ZNF627: variants seen among roughly 807,000 people sequenced by gnomAD.
ZNF627 encodes the protein zinc finger protein 627.
A neutral mutation model predicts 10.6 loss-of-function variants in ZNF627; 12 were observed. The ratio of observed to expected loss-of-function variants is 1.13; its 90% CI spans 0.73 to 1.84. ZNF627 has a LOEUF of 1.84. Ranked by LOEUF, ZNF627 falls within the 40% of genes most tolerant of loss-of-function variation. The pLI, the probability that ZNF627 is intolerant of heterozygous loss-of-function variation, is 0.00. For missense variants in ZNF627, 504 were observed against 568.4 expected, an observed-to-expected ratio of 0.89 and a Z score of 1.15; for synonymous variants, 176 against 187.1, an observed-to-expected ratio of 0.94 and a Z score of 0.48.
chr19:11,613,325 GT>G (rs1223101984), intron 1 of ZNF627, among the ~76,000 whole-genome samples: 2 of 145,400 alleles, frequency 1.4e-5, no homozygotes, highest in African/African-American at 5.1e-5. Context: ...GGTGGTATCT[GT>G]TAAGAGCAAT....
At chr19:11,615,032 C>T (rs985978448) in intron 3 of ZNF627, 145 bp downstream of exon 3, 28 of 630,116 alleles carry the variant, frequency 4.4e-5, no homozygotes, top group African/African-American at 1.7e-4. Flanking sequence ...CTGCAACCTC[C>T]GCCTCCCAGG....
At position 11,617,355 on chromosome 19, in the gene ZNF627, CG is replaced by C; in HGVS notation, c.854del (p.Gly285ValfsTer32). On this transcript the variant is annotated frameshift_variant, in exon 4 of 4. Transcript: ENST00000361113. LOFTEE classifies it low-confidence loss of function (END_TRUNC). ...AGAAACCCTACGAATGTAAACAGTGCGGTAAAGCCTTTAGGTGCGCCAGTTC... is the reference window on the plus strand; with the variant it reads ...AGAAACCCTACGAATGTAAACAGTGCGTAAAGCCTTTAGGTGCGCCAGTTC... ...GEKPYECKQC[G>X]KAFRCASSVR... 6.2e-7 allele frequency: 1 copy of C among 1,612,692 alleles called. No homozygotes were observed. The highest frequency in any genetic ancestry group is 8.5e-7 in the Non-Finnish European group (1 of 1,179,752).
At chr19:11,602,523 T>A (rs1311031721) in intron 1 of ZNF627, among the ~76,000 whole-genome samples, 2 of 152,202 alleles carry the variant, frequency 1.3e-5, no homozygotes, top group African/African-American at 4.8e-5. Flanking sequence ...TTCCCTTACA[T>A]CCATCCCTTC....
chr19:11,610,093 C>G (rs1973748985), intron 1 of ZNF627, among the ~76,000 whole-genome samples: 2 of 144,966 alleles, frequency 1.4e-5, no homozygotes, highest in African/African-American at 5.1e-5. Context: ...GCTTTGTTGC[C>G]CAGGCTGGAG....
chr19:11,597,504 CCGG>C lies in ZNF627; in HGVS notation c.-123_-121del. 1.9e-6 allele frequency: 2 copies of C among 1,072,278 alleles called. No homozygotes were observed. The highest frequency in any genetic ancestry group is 2.4e-6 in the Non-Finnish European group (2 of 824,792). 66.4% of individuals were successfully genotyped at this position (1,072,278 alleles called of 1,614,324 possible). A position where few individuals can be genotyped will look rare whatever the true frequency, so the allele number is the denominator to read the frequency against. Reference sequence around the variant, plus strand: ...CTTTGTTTCTGGCGACCGTCCCCACCCGGGCTCGCGTCTCCGTTTCTCCGAGAG... The same window carrying C: ...CTTTGTTTCTGGCGACCGTCCCCACCGCTCGCGTCTCCGTTTCTCCGAGAG... On this transcript the variant is annotated 5_prime_UTR_variant, in exon 1 of 4. Coordinates refer to ENST00000361113, the MANE Select transcript of ZNF627 (RefSeq NM_145295.4).
chr19:11,611,313 T>C (rs1240890990), intron 1 of ZNF627, among the ~76,000 whole-genome samples: 2 of 152,044 alleles, frequency 1.3e-5, no homozygotes, highest in African/African-American at 4.8e-5. Context: ...CCAGTGTTGA[T>C]AGTGTCTTCT....
intron 3 of ZNF627, among the ~76,000 whole-genome samples, chr19:11,616,318 T>C (rs1973867016): frequency 6.6e-6 from 1 of 152,196 alleles, no homozygotes; most frequent in African/African-American, 2.4e-5. Context: ...AGTGCCGGGA[T>C]TACAGGCATA....
chr19:11,602,005 CAAAAAAA>C (rs67176670), intron 1 of ZNF627, among the ~76,000 whole-genome samples: 7 of 53,786 alleles, frequency 1.3e-4, no homozygotes, highest in East Asian at 4.6e-4. Flanking sequence ...GACTCTGTCT[CAAAAAAA>C]AAAAAAAAAA....
intron 1 of ZNF627, among the ~76,000 whole-genome samples, chr19:11,607,598 C>T (rs891671722): frequency 2.0e-5 from 3 of 152,314 alleles, no homozygotes; most frequent in South Asian, 2.1e-4. Context: ...GGCAAAATGC[C>T]GCCAGTCTCT....
intron 1 of ZNF627, among the ~76,000 whole-genome samples, chr19:11,599,898 C>A (rs1973555688): frequency 6.6e-6 from 1 of 152,018 alleles, no homozygotes; most frequent in African/African-American, 2.4e-5. Flanking sequence ...CAGAGCGAGA[C>A]TCTGTCTCAA....
rs1356921619 is a variant in ZNF627, at chr19:11,617,270, G to A, written c.767G>A (p.Cys256Tyr). 6.2e-7 allele frequency: 1 copy of A among 1,613,942 alleles called. No homozygotes were observed. Among genetic ancestry groups the A allele is most frequent in the Admixed American group, 1.7e-5 (1 of 59,994 alleles). The change falls in exon 4 of 4, where the codon TGT (cysteine) becomes TAT (tyrosine). Residue 256 changes from cysteine (C) to tyrosine (Y), a missense_variant. Coordinates refer to ENST00000361113, the MANE Select transcript of ZNF627 (RefSeq NM_145295.4). Reference sequence around the variant, plus strand: ...GATAAACCCTATGAATGCAAGCAGTGTGGGAAAGCTTTCAGTTGTTCCAAG... The same window carrying A: ...GATAAACCCTATGAATGCAAGCAGTATGGGAAAGCTTTCAGTTGTTCCAAG... ...TGDKPYECKQ[C>Y]GKAFSCSKYI...
In ZNF627 at chr19:11,606,211, C is replaced by T. The variant is rs145560798; in HGVS notation, c.4-8316C>T. On this transcript the variant is annotated intron_variant, in intron 1 of 3. Transcript: ENST00000361113. ...AAAAAATTAGGCATGGTGGCACGCG[C>T]CTGTAATCCCAGCTACTCGGGAGGC... is the stretch of plus-strand genomic sequence containing the variant. Among the ~76,000 whole-genome samples, 195 of 152,068 alleles carry T rather than the reference C, an allele frequency of 1.3e-3. 5 individuals are homozygous for T. In the East Asian group the frequency reaches 0.033, roughly 26 times the overall value.
At position 11,617,607 on chromosome 19, in the gene ZNF627, TG is replaced by T. The variant is rs749125683; in HGVS notation, c.1107del (p.Ala371ProfsTer164). The part of the protein sequence containing the change: ...GEKPYDCKQC[G>X]KAFSCSSSFR... ...AGAAACCCTATGATTGTAAGCAATG[TG>T]GGAAAGCCTTCAGTTGTTCCAGTTC... On this transcript the variant is annotated frameshift_variant, in exon 4 of 4. Coordinates refer to ENST00000361113, the MANE Select transcript of ZNF627 (RefSeq NM_145295.4). LOFTEE classifies it low-confidence loss of function (END_TRUNC). 9.9e-6 allele frequency: 16 copies of T among 1,613,902 alleles called. No individual in the cohort carries two copies. Among genetic ancestry groups the T allele is most frequent in the Non-Finnish European group, 1.4e-5 (16 of 1,179,958 alleles).
chr19:11,617,851 C>G lies in ZNF627; in HGVS notation c.1348C>G (p.Pro450Ala). The G allele has an allele frequency of 6.3e-7, 1 of 1,578,272 alleles. No individual in the cohort carries two copies. Among genetic ancestry groups the G allele is most frequent in the Non-Finnish European group, 8.6e-7 (1 of 1,167,004 alleles). The change falls in exon 4 of 4, where the codon CCT (proline) becomes GCT (alanine). Residue 450 changes from proline to alanine, a missense_variant. Transcript: ENST00000361113. ...IHTGEKPYEN[P>A]NPNASVVPVL... The stretch of plus-strand genomic sequence containing the variant: ...TACTGGAGAGAAACCCTATGAGAAC[C>G]CTAACCCTAACGCTTCAGTTGTCCC...
intron 1 of ZNF627, among the ~76,000 whole-genome samples, chr19:11,606,474 T>TTTCAC (rs1973677303): frequency 6.6e-6 from 1 of 152,252 alleles, no homozygotes; most frequent in East Asian, 1.9e-4. Context: ...CCCCCACTCC[T>TTTCAC]GGCTGCTTTC....
Position 11,617,172 on chromosome 19 carries a change from T to A in ZNF627, c.669T>A (p.Tyr223Ter). The change falls in exon 4 of 4, where the codon TAT becomes TAA. Residue 223 changes from tyrosine (Y) to a stop codon, truncating the protein, a stop_gained. Transcript: ENST00000361113. LOFTEE classifies it low-confidence loss of function (END_TRUNC). Reference sequence around the variant, plus strand: ...GAAGTCACACTGGAGAGAAACCTTATGAATGCAAGCAATGTGGGAAAGCCT... The same window carrying A: ...GAAGTCACACTGGAGAGAAACCTTAAGAATGCAAGCAATGTGGGAAAGCCT... The part of the protein sequence containing the change: ...HERSHTGEKP[Y>*]ECKQCGKAFS... The A allele has an allele frequency of 6.2e-7, 1 of 1,613,864 alleles. No individual in the cohort carries two copies. Among genetic ancestry groups the A allele is most frequent in the Non-Finnish European group, 8.5e-7 (1 of 1,179,972 alleles).
At chr19:11,597,804 C>T (rs1345623783) in intron 1 of ZNF627, among the ~76,000 whole-genome samples, 174 bp downstream of exon 1, 2 of 152,190 alleles carry the variant, frequency 1.3e-5, no homozygotes, top group East Asian at 3.9e-4. Context: ...GTCGTCCTGT[C>T]CCGTCCCTGC....
chr19:11,613,695 A>G (rs907984353), intron 1 of ZNF627, among the ~76,000 whole-genome samples: 3 of 151,714 alleles, frequency 2.0e-5, no homozygotes, highest in Admixed American at 6.6e-5. Flanking sequence ...ATTAGTTGCA[A>G]TTTAGGTTTT....
chr19:11,609,025 C>T (rs1973720470), intron 1 of ZNF627, among the ~76,000 whole-genome samples: 1 of 152,126 alleles, frequency 6.6e-6, no homozygotes. Flanking sequence ...GGCATGCCAC[C>T]ATGCTCAGCT....
Sources: gnomAD v4.1 joint callset for allele counts (sites outside exome capture counted in the v4.1 genomes callset) on GRCh38, gnomAD v4.1.1 for gene constraint, MANE v1.5 for transcripts, NCBI Gene and HGNC (gene_info 2026-07-23, HGNC 2026-07-21) for gene names.